Variants in SH3RF2 observed in about 807,000 individuals in gnomAD.
SH3RF2 encodes E3 ubiquitin-protein ligase SH3RF2.
In SH3RF2, 43 loss-of-function variants were observed where a neutral mutation model predicts 59.0. The observed-to-expected ratio is 0.73, with a 90% CI of 0.57 to 0.94. The LOEUF (loss-of-function observed/expected upper bound fraction) is 0.94, where lower values mean the gene tolerates loss of function less well. SH3RF2 is among the 40% of genes least tolerant of loss of function. The pLI, the probability that SH3RF2 is intolerant of heterozygous loss-of-function variation, is 0.00. For synonymous variants in SH3RF2, 391 were observed against 391.5 expected, an observed-to-expected ratio of 1.00 and a Z score of 0.01; for missense variants, 930 against 940.1, an observed-to-expected ratio of 0.99 and a Z score of 0.14.
chr5:145,964,072 T>C (rs1187353930), intron 2 of SH3RF2, among the ~76,000 whole-genome samples: 1 of 151,956 alleles, frequency 6.6e-6, no homozygotes, highest in African/African-American at 2.4e-5. Flanking sequence ...GACCTCGTGA[T>C]CTACCCACCT....
At position 145,938,129 on chromosome 5, in the gene SH3RF2, G is replaced by A; in HGVS notation, c.201G>A (p.Leu67=). ...ACATTGAGGCGCTGCCGGCCAACCT[G>A]CTGCTCGTGCGCCTTCTGGATGGAG... ...FSNIEALPAN[L]LLVRLLDGVR... The change falls in exon 2 of 10, where the codon CTG becomes CTA. Residue 67 remains leucine, a synonymous_variant. Transcript: ENST00000359120. The A allele has an allele frequency of 6.2e-7, 1 of 1,614,244 alleles. No individual in the cohort carries two copies. Among genetic ancestry groups the A allele is most frequent in the Non-Finnish European group, 8.5e-7 (1 of 1,180,042 alleles).
chr5:146,048,984 C>A, intron 6 of SH3RF2, 91 bp from the exon 7 acceptor site: 2 of 1,464,710 alleles, frequency 1.4e-6, no homozygotes, highest in Non-Finnish European at 1.9e-6. Flanking sequence ...TTGCTAACCA[C>A]TGGGCAGTCT....
chr5:146,004,919 T>C (rs1036395462), intron 4 of SH3RF2, among the ~76,000 whole-genome samples: 1 of 152,116 alleles, frequency 6.6e-6, no homozygotes, highest in Admixed American at 6.5e-5. Flanking sequence ...GTAAATTTCA[T>C]GTTACATGTC....
intron 2 of SH3RF2, among the ~76,000 whole-genome samples, chr5:145,990,748 G>A (rs1426137393): frequency 1.3e-5 from 2 of 152,176 alleles, no homozygotes; most frequent in African/African-American, 4.8e-5. Flanking sequence ...GAAAAGGAAA[G>A]CATTTTAGGT....
chr5:145,977,524 C>T (rs1759340072), intron 2 of SH3RF2, among the ~76,000 whole-genome samples: 3 of 152,214 alleles, frequency 2.0e-5, no homozygotes, highest in African/African-American at 4.8e-5. Context: ...AATGGGACCA[C>T]ATTAGCCCCA....
At chr5:146,075,342 CACAA>C (rs1763319810) in intron 9 of SH3RF2, among the ~76,000 whole-genome samples, 1 of 152,138 alleles carries the variant, frequency 6.6e-6, no homozygotes, top group Admixed American at 6.5e-5. Flanking sequence ...TTAAAATTCC[CACAA>C]ACAGATAAAA....
chr5:146,074,725 C>CT (rs1292142201), intron 9 of SH3RF2, among the ~76,000 whole-genome samples: 1 of 152,074 alleles, frequency 6.6e-6, no homozygotes, highest in African/African-American at 2.4e-5. Context: ...TCAGAAAATA[C>CT]TTATTACTAG....
At chr5:145,956,400 C>T (rs557775911) in intron 2 of SH3RF2, among the ~76,000 whole-genome samples, 24 of 152,214 alleles carry the variant, frequency 1.6e-4, no homozygotes, top group African/African-American at 4.1e-4. Flanking sequence ...CTCAGGCCTC[C>T]GAGTAGCTGG....
chr5:146,004,678 GAATAATATGGA>G (rs1760565478), intron 4 of SH3RF2, among the ~76,000 whole-genome samples: 1 of 30,154 alleles, frequency 3.3e-5, no homozygotes, highest in Non-Finnish European at 8.5e-5. Context: ...TATTTATGGA[GAATAATATGGA>G]GAATAATATT....
At chr5:145,954,081 G>A (rs1405735843) in intron 2 of SH3RF2, among the ~76,000 whole-genome samples, 1 of 152,182 alleles carries the variant, frequency 6.6e-6, no homozygotes, top group Non-Finnish European at 1.5e-5. Context: ...CCAGTAATGG[G>A]ATTACTGAGT....
intron 3 of SH3RF2, among the ~76,000 whole-genome samples, chr5:146,002,315 G>T (rs565803942): frequency 6.6e-6 from 1 of 152,256 alleles, no homozygotes; most frequent in East Asian, 1.9e-4. Context: ...GTCAGGCGTG[G>T]TTGCGCGTGC....
intron 6 of SH3RF2, among the ~76,000 whole-genome samples, 161 bp downstream of exon 6, chr5:146,048,024 A>G (rs558843495): frequency 9.7e-4 from 147 of 152,226 alleles, no homozygotes; most frequent in African/African-American, 3.5e-3. Context: ...TGAAAAACAG[A>G]AATTAGGGCC....
chr5:145,973,364 G>A (rs897455097), intron 2 of SH3RF2, among the ~76,000 whole-genome samples: 3 of 152,082 alleles, frequency 2.0e-5, no homozygotes, highest in African/African-American at 7.2e-5. Flanking sequence ...TTCAGAACTG[G>A]GCATTTTCAA....
chr5:146,070,513 A>C (rs1340681514), intron 9 of SH3RF2, among the ~76,000 whole-genome samples: 1 of 152,188 alleles, frequency 6.6e-6, no homozygotes, highest in East Asian at 1.9e-4. Flanking sequence ...TGAAGCTTAC[A>C]ATGTGGTTCT....
At chr5:145,949,594 T>C (rs2149944835) in intron 2 of SH3RF2, among the ~76,000 whole-genome samples, 1 of 152,288 alleles carries the variant, frequency 6.6e-6, no homozygotes, top group Middle Eastern at 3.4e-3. Context: ...GATTCCAAAT[T>C]TCTCCTCAGA....
At chr5:145,937,789 A>ATT (rs545039473) in intron 1 of SH3RF2, 34 bp from the exon 2 acceptor site, 4 of 962,898 alleles carry the variant, frequency 4.2e-6, no homozygotes, top group Non-Finnish European at 6.2e-6. Context: ...GAGCAGTCAC[A>ATT]TTTTTTTTTC....
chr5:146,051,170 G>A (rs1182516894), intron 7 of SH3RF2, among the ~76,000 whole-genome samples: 1 of 152,162 alleles, frequency 6.6e-6, no homozygotes, highest in Non-Finnish European at 1.5e-5. Flanking sequence ...GGAGGGCAGA[G>A]GTTACATGAA....
At chr5:145,979,767 A>C (rs1430706295) in intron 2 of SH3RF2, among the ~76,000 whole-genome samples, 1 of 152,216 alleles carries the variant, frequency 6.6e-6, no homozygotes, top group Non-Finnish European at 1.5e-5. Context: ...GATTGTTGGA[A>C]GGTTGAAGTG....
chr5:146,024,383 T>C (rs1018737000), intron 5 of SH3RF2, among the ~76,000 whole-genome samples: 60 of 152,208 alleles, frequency 3.9e-4, no homozygotes, highest in Non-Finnish European at 1.0e-4. Flanking sequence ...TGGAGAACTG[T>C]TTTTTTATAT....
Sources: allele counts gnomAD v4.1 joint callset (sites outside exome capture counted in the v4.1 genomes callset), GRCh38; gene constraint gnomAD v4.1.1; transcripts MANE v1.5; gene names NCBI Gene and HGNC (gene_info 2026-07-23, HGNC 2026-07-21).